The following GRID1 variants were observed in gnomAD, a reference collection of about 807,000 sequenced individuals.
The protein encoded by GRID1 is glutamate ionotropic receptor delta type subunit 1.
In GRID1, 28 loss-of-function variants were observed where a neutral mutation model predicts 98.0. The ratio of observed to expected loss-of-function variants is 0.29; its 90% CI spans 0.21 to 0.39. GRID1 has a LOEUF of 0.39. Ranked by LOEUF, GRID1 falls within the 10% of genes least tolerant of loss-of-function variation. The pLI, the probability that GRID1 is intolerant of heterozygous loss-of-function variation, is 1.00. For synonymous variants in GRID1, 553 were observed against 538.5 expected (o/e 1.03, Z -0.37); for missense variants, 1,111 against 1,340.5 (o/e 0.83, Z 2.67).
rs1845820600 is a variant in GRID1 at position 86,192,565 on chromosome 10, T to C, written c.520+13799A>G. On this transcript the variant is annotated intron_variant, in intron 3 of 15. Transcript: ENST00000327946. The surrounding 1 kb of genome is among the most constrained non-coding windows in gnomAD (Gnocchi z 4.8). ...GAGATGGGGGTCTTTGTTGAATGAG[T>C]ACAGAGTTTCGGTTTGGGAAGATGA... Among the ~76,000 whole-genome samples the C allele has an allele frequency of 6.7e-6, 1 of 149,850 alleles. No homozygotes were observed.
chr10:86,246,247 T>C (rs1456488928), intron 2 of GRID1, among the ~76,000 whole-genome samples: 1 of 152,146 alleles, frequency 6.6e-6, no homozygotes, highest in Non-Finnish European at 1.5e-5. Flanking sequence ...GCCCTGCCAC[T>C]CCCTGACCCC....
intron 8 of GRID1, among the ~76,000 whole-genome samples, chr10:85,775,091 G>T (rs1842316038): frequency 6.6e-6 from 1 of 152,126 alleles, no homozygotes; most frequent in South Asian, 2.1e-4. Context: ...GTCCATCAAT[G>T]ATAGACTGGA....
intron 8 of GRID1, among the ~76,000 whole-genome samples, chr10:85,747,030 T>G (rs567287329): frequency 5.9e-5 from 9 of 152,276 alleles, no homozygotes; most frequent in African/African-American, 2.2e-4. Flanking sequence ...AACAAAGTAT[T>G]GTCACACATA....
At chr10:86,270,088 A>C (rs966500378) in intron 2 of GRID1, among the ~76,000 whole-genome samples, 6 of 152,216 alleles carry the variant, frequency 3.9e-5, no homozygotes, top group African/African-American at 1.4e-4. Flanking sequence ...ATTTTAAATG[A>C]ATCTAATTCT....
At chr10:85,824,117 T>C (rs554673020) in intron 8 of GRID1, among the ~76,000 whole-genome samples, 1 of 152,348 alleles carries the variant, frequency 6.6e-6, no homozygotes, top group Non-Finnish European at 1.5e-5. Context: ...TTTTAAAATA[T>C]GCACAATGAA....
At chr10:86,276,503 CT>C (rs547471621) in intron 2 of GRID1, among the ~76,000 whole-genome samples, 3,840 of 142,294 alleles carry the variant, frequency 0.027, 42 homozygotes, top group Middle Eastern at 0.056. Context: ...CTCAATACGA[CT>C]TTTTTTTTTT....
rs979976212 is a variant in GRID1, at chr10:86,240,793, C to T, written c.236-34145G>A. Reference sequence around the variant, plus strand: ...TTTCCAGCCATGGCATCAATGCTGCCGCCAAGCAGTGGCTCACTGGTGGTC... The same window carrying T: ...TTTCCAGCCATGGCATCAATGCTGCTGCCAAGCAGTGGCTCACTGGTGGTC... On this transcript the variant is annotated intron_variant, in intron 2 of 15. Coordinates refer to ENST00000327946, the MANE Select transcript of GRID1 (RefSeq NM_017551.3). 6.4e-4 allele frequency among the ~76,000 whole-genome samples: 97 copies of T among 152,320 alleles called. 1 individual carries two copies. The highest frequency in any genetic ancestry group is 2.1e-3 in the African/African-American group (88 of 41,572).
chr10:85,932,548 T>C (rs1369383999), intron 4 of GRID1, among the ~76,000 whole-genome samples: 1 of 152,210 alleles, frequency 6.6e-6, no homozygotes, highest in Non-Finnish European at 1.5e-5. Flanking sequence ...CCCAAGCACC[T>C]ATCCACTGTT....
rs527350976 is a variant in GRID1 at position 85,784,122 on chromosome 10, A to G, written c.1234-54508T>C. ...AGCTGGGGAACATCTTGCAAAGGAA[A>G]TAATGTAAATATTAAGAAAACTGAA... On this transcript the variant is annotated intron_variant, in intron 8 of 15. Coordinates refer to ENST00000327946, the MANE Select transcript of GRID1 (RefSeq NM_017551.3). Among the ~76,000 whole-genome samples, 17 of 152,388 alleles carry G rather than the reference A, an allele frequency of 1.1e-4. 1 individual carries two copies. Among genetic ancestry groups the G allele is most frequent in the African/African-American group, 3.8e-4 (16 of 41,594 alleles).
intron 4 of GRID1, among the ~76,000 whole-genome samples, chr10:85,975,869 C>G (rs1053424323): frequency 6.6e-6 from 1 of 152,186 alleles, no homozygotes; most frequent in African/African-American, 2.4e-5. Flanking sequence ...AAATATATTT[C>G]ATCTACATGA....
At position 85,978,198 on chromosome 10, in the gene GRID1, A is replaced by G. The variant is rs1233707898; in HGVS notation, c.727-61959T>C. ...AACCTGTGATTTTTTTAAATCCCCC[A>G]AAGCCACATCCTTGGGGTTCAGGGT... On this transcript the variant is annotated intron_variant, in intron 4 of 15. Transcript: ENST00000327946. 5.9e-5 allele frequency among the ~76,000 whole-genome samples: 9 copies of G among 152,166 alleles called. No homozygotes were observed. The East Asian group carries it at 1.7e-3, about 29-fold the overall frequency.
chr10:85,962,315 C>A (rs1350470855), intron 4 of GRID1, among the ~76,000 whole-genome samples: 1 of 152,190 alleles, frequency 6.6e-6, no homozygotes, highest in South Asian at 2.1e-4. Context: ...GTGATCTTCC[C>A]CTACAGCCTT....
intron 5 of GRID1, among the ~76,000 whole-genome samples, chr10:85,909,999 A>C (rs1841515403): frequency 1.3e-5 from 2 of 152,230 alleles, no homozygotes; most frequent in Non-Finnish European, 2.9e-5. Flanking sequence ...GTCTGGCTCC[A>C]TCTAAGGTCT....
intron 8 of GRID1, among the ~76,000 whole-genome samples, chr10:85,815,920 G>C (rs1450047243): frequency 3.3e-5 from 5 of 151,810 alleles, no homozygotes; most frequent in Admixed American, 2.6e-4. Flanking sequence ...TACATCATTA[G>C]TCATTAGTTA....
intron 5 of GRID1, among the ~76,000 whole-genome samples, chr10:85,882,164 C>T (rs917273731): frequency 3.9e-5 from 6 of 152,186 alleles, no homozygotes; most frequent in African/African-American, 1.4e-4. Context: ...AACACTTTTA[C>T]ACCATTGGTG....
At chr10:86,285,805 T>G (rs1471962735) in intron 2 of GRID1, among the ~76,000 whole-genome samples, 2 of 152,214 alleles carry the variant, frequency 1.3e-5, no homozygotes, top group Non-Finnish European at 2.9e-5. Context: ...ACATCACTGA[T>G]AGGACTTTAA....
At chr10:85,976,590 C>T (rs1842476230) in intron 4 of GRID1, among the ~76,000 whole-genome samples, 1 of 152,250 alleles carries the variant, frequency 6.6e-6, no homozygotes, top group Non-Finnish European at 1.5e-5. Flanking sequence ...AGCTCCCCGG[C>T]CCCTTGCCCC....
chr10:86,252,257 A>T (rs181682103), intron 2 of GRID1, among the ~76,000 whole-genome samples: 1 of 152,158 alleles, frequency 6.6e-6, no homozygotes, highest in East Asian at 1.9e-4. Context: ...CGTTAATATC[A>T]CGCCCAGCCT....
chr10:86,084,064 A>G (rs1448975894), intron 4 of GRID1, among the ~76,000 whole-genome samples: 2 of 152,200 alleles, frequency 1.3e-5, no homozygotes, highest in Non-Finnish European at 1.5e-5. Context: ...TCCTGTGATC[A>G]GGCCCTGGCA....
Sources: allele counts gnomAD v4.1 joint callset (sites outside exome capture counted in the v4.1 genomes callset), GRCh38; gene constraint gnomAD v4.1.1; non-coding constraint Gnocchi (gnomAD v3.1); transcripts MANE v1.5; gene names NCBI Gene and HGNC (gene_info 2026-07-23, HGNC 2026-07-21).